PPP1R1C: variants seen among roughly 807,000 people sequenced by gnomAD.
PPP1R1C encodes protein phosphatase 1 regulatory subunit 1C.
In PPP1R1C, 15 loss-of-function variants were observed where a neutral mutation model predicts 17.4. The ratio of observed to expected loss-of-function variants is 0.86; its 90% confidence interval spans 0.58 to 1.33. The LOEUF is 1.33. PPP1R1C is among the 40% of genes most tolerant of loss of function. The pLI is 0.00. For missense variants in PPP1R1C, 143 were observed against 130.0 expected, an observed-to-expected ratio of 1.10 and a Z score of -0.48; for synonymous variants, 35 against 43.1, an observed-to-expected ratio of 0.81 and a Z score of 0.73.
At chr2:181,979,535 T>C (rs1382769948) in intron 2 of PPP1R1C, among the ~76,000 whole-genome samples, 1 of 152,266 alleles carries the variant, frequency 6.6e-6, no homozygotes, top group African/African-American at 2.4e-5. Context: ...CTTATGTGAA[T>C]CTCTTTAGTT....
chr2:181,963,510 G>A (rs1440654526), intron 1 of PPP1R1C, among the ~76,000 whole-genome samples: 25 of 152,088 alleles, frequency 1.6e-4, no homozygotes, highest in Admixed American at 3.9e-4. Context: ...ATGGTGGTGC[G>A]TTCCTGTAAT....
chr2:182,025,047 C>G (rs1298234268), intron 2 of PPP1R1C, among the ~76,000 whole-genome samples: 1 of 149,690 alleles, frequency 6.7e-6, no homozygotes, highest in Non-Finnish European at 1.5e-5. Context: ...CTGCACATAA[C>G]AAAGTTGCAC....
chr2:182,006,531 G>A (rs918795232), intron 2 of PPP1R1C, among the ~76,000 whole-genome samples: 1 of 152,218 alleles, frequency 6.6e-6, no homozygotes, highest in Non-Finnish European at 1.5e-5. Flanking sequence ...CGAAGGATAA[G>A]TGTTGCTGCT....
In PPP1R1C at chr2:181,957,282, G is replaced by T. The variant is rs187714587; in HGVS notation, n.111+2648G>T. Among the ~76,000 whole-genome samples, 1 of 152,100 alleles carries T rather than the reference G, an allele frequency of 6.6e-6. No homozygotes were observed. Among genetic ancestry groups the T allele is most frequent in the Non-Finnish European group, 1.5e-5 (1 of 68,020 alleles). On this transcript the variant is annotated intron_variant and non_coding_transcript_variant, in intron 1 of 5. Coordinates refer to the PPP1R1C transcript ENST00000464264. The surrounding 1 kb of genome is among the most constrained non-coding windows in gnomAD (Gnocchi z 4.2). Reference sequence around the variant, plus strand: ...GGCTGAGGCAGAATTGCTTGAACCCGGGAGGTGGAGGTTGTGGTAAGCCGA... The same window carrying T: ...GGCTGAGGCAGAATTGCTTGAACCCTGGAGGTGGAGGTTGTGGTAAGCCGA...
chr2:182,104,340 T>C (rs572438057), intron 4 of PPP1R1C, among the ~76,000 whole-genome samples: 9 of 152,226 alleles, frequency 5.9e-5, no homozygotes, highest in Non-Finnish European at 1.3e-4. Context: ...TGGTCTTTAT[T>C]AGGTTGAGGT....
intron 1 of PPP1R1C, among the ~76,000 whole-genome samples, chr2:181,958,535 T>G (rs1309881447): frequency 6.6e-6 from 1 of 152,120 alleles, no homozygotes; most frequent in East Asian, 1.9e-4. Flanking sequence ...GGGAACAGAG[T>G]GGATGAACAA....
intron 2 of PPP1R1C, among the ~76,000 whole-genome samples, chr2:182,028,845 C>G (rs1252630046): frequency 3.6e-5 from 4 of 111,744 alleles, no homozygotes; most frequent in African/African-American, 1.3e-4. Flanking sequence ...GTGTGGGAGT[C>G]TAAGTCTCTT....
intron 2 of PPP1R1C, among the ~76,000 whole-genome samples, chr2:182,047,365 A>T (rs561862483): frequency 6.6e-6 from 1 of 152,366 alleles, no homozygotes; most frequent in African/African-American, 2.4e-5. Context: ...TTGAATAATT[A>T]CATCATTAGT....
chr2:182,092,802 G>C (rs1219777981), intron 4 of PPP1R1C, among the ~76,000 whole-genome samples: 1 of 152,184 alleles, frequency 6.6e-6, no homozygotes, highest in African/African-American at 2.4e-5. Flanking sequence ...GCAAGAGGTA[G>C]GTCCCCATAG....
chr2:182,127,666 C>T (rs1689908081), intron 5 of PPP1R1C, among the ~76,000 whole-genome samples: 1 of 152,118 alleles, frequency 6.6e-6, no homozygotes, highest in African/African-American at 2.4e-5. Context: ...ACTAATGTCT[C>T]GTAGGCCAGA....
intron 2 of PPP1R1C, among the ~76,000 whole-genome samples, chr2:182,040,600 T>C (rs973894576): frequency 3.3e-5 from 5 of 152,260 alleles, no homozygotes; most frequent in African/African-American, 1.2e-4. Context: ...TCCCATTTCA[T>C]GGGTTTTCTG....
chr2:182,071,603 T>C lies in PPP1R1C; in HGVS notation c.241+7812T>C, dbSNP rs572905387. 2.0e-5 allele frequency among the ~76,000 whole-genome samples: 3 copies of C among 152,244 alleles called. No individual in the cohort carries two copies. In the South Asian group the frequency reaches 6.2e-4, roughly 32 times the overall value. On this transcript the variant is annotated intron_variant, in intron 4 of 4. Coordinates refer to ENST00000682840, the MANE Select transcript of PPP1R1C (RefSeq NM_001080545.3). ...CTGTGTGTAGTACCCATTTAAAGAGTGGGAAGCTGCACTCTACTTCCTTGA... is the reference window on the plus strand; with the variant it reads ...CTGTGTGTAGTACCCATTTAAAGAGCGGGAAGCTGCACTCTACTTCCTTGA...
At chr2:182,028,667 G>A (rs1483879428) in intron 2 of PPP1R1C, among the ~76,000 whole-genome samples, 1 of 151,372 alleles carries the variant, frequency 6.6e-6, no homozygotes, top group Non-Finnish European at 1.5e-5. Context: ...GTGGTGTGGT[G>A]CTGAAAAAAG....
chr2:182,105,440 G>A (rs1180481420), intron 4 of PPP1R1C, among the ~76,000 whole-genome samples: 1 of 151,960 alleles, frequency 6.6e-6, no homozygotes, highest in Non-Finnish European at 1.5e-5. Context: ...CAGAGAGGTG[G>A]ATTTTTATCA....
chr2:182,019,706 G>A (rs1686359517), intron 2 of PPP1R1C, among the ~76,000 whole-genome samples: 1 of 152,184 alleles, frequency 6.6e-6, no homozygotes, highest in Non-Finnish European at 1.5e-5. Context: ...CAGAGCTAGA[G>A]TTTGAACTCA....
At chr2:181,986,671 T>C (rs1574353381) in intron 1 of PPP1R1C, among the ~76,000 whole-genome samples, 1 of 152,228 alleles carries the variant, frequency 6.6e-6, no homozygotes, top group East Asian at 1.9e-4. Flanking sequence ...ACAATGATTA[T>C]AAGTTTATAT....
chr2:182,112,184 A>G (rs934268717), intron 4 of PPP1R1C, among the ~76,000 whole-genome samples: 4 of 152,058 alleles, frequency 2.6e-5, no homozygotes, highest in African/African-American at 9.7e-5. Flanking sequence ...TAGGGGCTTT[A>G]TTATATTTAA....
intron 1 of PPP1R1C, among the ~76,000 whole-genome samples, chr2:181,968,887 A>G (rs535674100): frequency 1.2e-4 from 18 of 152,082 alleles, no homozygotes; most frequent in Admixed American, 1.1e-3. Flanking sequence ...ATTTGAGGTT[A>G]CTTGAGGCTT....
intron 4 of PPP1R1C, among the ~76,000 whole-genome samples, chr2:182,082,145 T>TGCAACAAC (rs1688499018): frequency 6.6e-6 from 1 of 152,192 alleles, no homozygotes; most frequent in Non-Finnish European, 1.5e-5. Flanking sequence ...CAAAGACATT[T>TGCAACAAC]TTTACACTTA....
Sources: allele counts gnomAD v4.1 joint callset (sites outside exome capture counted in the v4.1 genomes callset), GRCh38; gene constraint gnomAD v4.1.1; non-coding constraint Gnocchi (gnomAD v3.1); transcripts MANE v1.5; gene names NCBI Gene and HGNC (gene_info 2026-07-23, HGNC 2026-07-21).